The following LDLRAD3 variants were observed in gnomAD, a reference collection of about 807,000 sequenced individuals.
LDLRAD3 encodes the protein low density lipoprotein receptor class A domain containing 3.
A neutral mutation model predicts 29.4 loss-of-function variants in LDLRAD3; 20 were observed. That is an observed-to-expected ratio of 0.68 (90% confidence interval 0.48 to 0.99). The LOEUF (loss-of-function observed/expected upper bound fraction) is 0.99, where lower values mean the gene tolerates loss of function less well. Among genes scored for constraint, LDLRAD3 ranks in the 50% least tolerant of loss-of-function variants. LDLRAD3 has a pLI of 0.00. For synonymous variants in LDLRAD3, 157 were observed against 192.7 expected (o/e 0.81, Z 1.53); for missense variants, 420 against 454.3 (o/e 0.92, Z 0.69).
rs1294714775 is a variant in LDLRAD3 at position 36,098,248 on chromosome 11, G to A, written c.320-79G>A. The A allele has an allele frequency of 1.5e-5, 24 of 1,550,224 alleles. No homozygotes were observed. The South Asian group carries it at 1.9e-4, about 13-fold the overall frequency. On this transcript the variant is annotated intron_variant, in intron 3 of 5. Transcript: ENST00000315571. Reference sequence around the variant, plus strand: ...TTACTGCTTCCTGAGCGGGACACACGCCAGGCTGGAAGAAGTTCCAGGGTC... The same window carrying A: ...TTACTGCTTCCTGAGCGGGACACACACCAGGCTGGAAGAAGTTCCAGGGTC...
intron 3 of LDLRAD3, among the ~76,000 whole-genome samples, chr11:36,088,748 C>G (rs933257132): frequency 2.1e-4 from 32 of 152,298 alleles, no homozygotes; most frequent in African/African-American, 7.5e-4. Flanking sequence ...GCTGCATCGT[C>G]AAGGTCTCCT....
intron 4 of LDLRAD3, among the ~76,000 whole-genome samples, chr11:36,145,416 A>T (rs368056923): frequency 2.0e-5 from 2 of 101,888 alleles, no homozygotes; most frequent in South Asian, 3.6e-4. Flanking sequence ...CAGCCACCCC[A>T]TCCGGGAGGT....
chr11:36,056,542 G>A (rs1852623621), intron 2 of LDLRAD3, among the ~76,000 whole-genome samples: 1 of 152,156 alleles, frequency 6.6e-6, no homozygotes, highest in Admixed American at 6.5e-5. Context: ...TGCCCCCTGT[G>A]GGTAAGTGCA....
intron 1 of LDLRAD3, among the ~76,000 whole-genome samples, chr11:35,979,946 A>C (rs1851520352): frequency 6.6e-6 from 1 of 152,180 alleles, no homozygotes; most frequent in African/African-American, 2.4e-5. Flanking sequence ...ATGTTAGAGA[A>C]GGCCTGATGT....
intron 1 of LDLRAD3, chr11:35,968,380 G>T (rs529251315): frequency 2.4e-4 from 86 of 365,248 alleles, no homozygotes; most frequent in Non-Finnish European, 4.3e-4. Context: ...GAGTAGAGGG[G>T]CTGGCACCAT....
chr11:36,145,220 CCACCCGCCAGCCGCCCCGTCCGGGAGGG>C, intron 4 of LDLRAD3, among the ~76,000 whole-genome samples: 2 of 10,632 alleles, frequency 1.9e-4, no homozygotes, highest in African/African-American at 4.2e-4. Flanking sequence ...GGTCAGCCCC[CCACCCGCCAGCCGCCCCGTCCGGGAGGG>C]AAGTGGGGGG....
At chr11:36,124,639 C>A (rs1158265372) in intron 4 of LDLRAD3, among the ~76,000 whole-genome samples, 1 of 151,820 alleles carries the variant, frequency 6.6e-6, no homozygotes, top group Non-Finnish European at 1.5e-5. Context: ...TCAAGCACAT[C>A]TTCTCCTGGT....
chr11:36,130,861 C>T (rs796727646), intron 4 of LDLRAD3, among the ~76,000 whole-genome samples: 4 of 152,300 alleles, frequency 2.6e-5, no homozygotes, highest in African/African-American at 9.6e-5. Context: ...GAATTCAGCC[C>T]CAGGCCTCTC....
intron 2 of LDLRAD3, among the ~76,000 whole-genome samples, chr11:36,077,531 G>A (rs1015843470): frequency 6.6e-6 from 1 of 152,204 alleles, no homozygotes; most frequent in Non-Finnish European, 1.5e-5. Context: ...TTGTGTGAGC[G>A]AGCGTGGAGT....
chr11:36,123,833 T>A (rs1327637592), intron 4 of LDLRAD3, among the ~76,000 whole-genome samples: 1 of 152,224 alleles, frequency 6.6e-6, no homozygotes, highest in Non-Finnish European at 1.5e-5. Flanking sequence ...CGGCTGTGGC[T>A]GTAGAGTTGA....
intron 1 of LDLRAD3, among the ~76,000 whole-genome samples, chr11:36,006,780 C>CCA (rs1263181371): frequency 6.6e-6 from 1 of 152,246 alleles, no homozygotes; most frequent in Non-Finnish European, 1.5e-5. Context: ...AAATAGTGCT[C>CCA]CACTGTTATC....
chr11:36,131,778 A>G (rs1853929156), intron 4 of LDLRAD3, among the ~76,000 whole-genome samples: 1 of 152,180 alleles, frequency 6.6e-6, no homozygotes, highest in African/African-American at 2.4e-5. Context: ...AGTTTCTAAC[A>G]TTTGCATGGT....
At chr11:36,104,130 C>T (rs1226702626) in intron 4 of LDLRAD3, among the ~76,000 whole-genome samples, 1 of 152,218 alleles carries the variant, frequency 6.6e-6, no homozygotes, top group African/African-American at 2.4e-5. Flanking sequence ...CTCTCCCACT[C>T]TTGAGGCAAG....
intron 1 of LDLRAD3, among the ~76,000 whole-genome samples, chr11:36,012,832 A>G (rs1276483917): frequency 6.6e-6 from 1 of 152,210 alleles, no homozygotes; most frequent in Non-Finnish European, 1.5e-5. Flanking sequence ...GGACTATTGT[A>G]TTTCAAGATG....
intron 1 of LDLRAD3, among the ~76,000 whole-genome samples, chr11:35,987,593 T>C (rs1851630702): frequency 1.3e-5 from 2 of 152,222 alleles, no homozygotes; most frequent in African/African-American, 4.8e-5. Context: ...CAAGATTTTG[T>C]TATTTTTATG....
intron 4 of LDLRAD3, among the ~76,000 whole-genome samples, chr11:36,214,113 G>A (rs758759653): frequency 9.9e-5 from 15 of 152,184 alleles, no homozygotes; most frequent in Admixed American, 6.5e-4. Context: ...GGGGCCCAGC[G>A]TTGACAGGAT....
intron 1 of LDLRAD3, among the ~76,000 whole-genome samples, chr11:35,986,065 C>T (rs559269358): frequency 7.5e-5 from 11 of 147,200 alleles, no homozygotes; most frequent in African/African-American, 2.4e-4. Context: ...AGAATGCTGC[C>T]GTTGTTCATG....
intron 4 of LDLRAD3, among the ~76,000 whole-genome samples, chr11:36,145,519 T>C (rs985723274): frequency 6.7e-6 from 1 of 150,324 alleles, no homozygotes; most frequent in Non-Finnish European, 1.5e-5. Flanking sequence ...CAACAGCTCA[T>C]TGAGAACAGG....
Position 36,189,847 on chromosome 11 carries a change from C to T in LDLRAD3, c.455-37238C>T, listed in dbSNP as rs907905693. ...TGTGGTGTTTGGTTTTTTGTTCTTG[C>T]GATAGTTTGCTGAGAATGATGACTT... On this transcript the variant is annotated intron_variant, in intron 4 of 5. Coordinates refer to ENST00000315571, the MANE Select transcript of LDLRAD3 (RefSeq NM_174902.4). 5.3e-5 allele frequency among the ~76,000 whole-genome samples: 8 copies of T among 152,070 alleles called. No individual in the cohort carries two copies. The East Asian group carries it at 5.8e-4, about 11-fold the overall frequency.
Sources: gnomAD v4.1 joint callset for allele counts (sites outside exome capture counted in the v4.1 genomes callset) on GRCh38, gnomAD v4.1.1 for gene constraint, MANE v1.5 for transcripts, NCBI Gene and HGNC (gene_info 2026-07-23, HGNC 2026-07-21) for gene names.